PTPRN2: variants seen among roughly 807,000 people sequenced by gnomAD.
The protein encoded by PTPRN2 is receptor-type tyrosine-protein phosphatase N2.
In PTPRN2, 74 loss-of-function variants were observed where a neutral mutation model predicts 118.8. The ratio of observed to expected loss-of-function variants is 0.62; its 90% CI spans 0.52 to 0.76. PTPRN2 has a LOEUF of 0.76. Among genes scored for constraint, PTPRN2 ranks in the 30% least tolerant of loss-of-function variants. The pLI is 0.00. For missense variants in PTPRN2, 1,481 were observed against 1,394.4 expected (o/e 1.06, Z -0.99); for synonymous variants, 641 against 608.0 (o/e 1.05, Z -0.80).
intron 12 of PTPRN2, among the ~76,000 whole-genome samples, chr7:157,882,540 C>A (rs1342495659): frequency 1.3e-5 from 2 of 151,270 alleles, no homozygotes; most frequent in Admixed American, 1.3e-4. Flanking sequence ...GAACATGCCA[C>A]CCCAAAAATG....
chr7:158,151,947 G>A lies in PTPRN2; in HGVS notation c.911-13432C>T, dbSNP rs1349943901. Reference sequence around the variant, plus strand: ...CCAGCACTTTGGGAGGCCGAGGCGGGTGGATCACAAGGTCAGGAGATCAAG... The same window carrying A: ...CCAGCACTTTGGGAGGCCGAGGCGGATGGATCACAAGGTCAGGAGATCAAG... On this transcript the variant is annotated intron_variant, in intron 6 of 22. Transcript: ENST00000389418. 2.6e-5 allele frequency among the ~76,000 whole-genome samples: 4 copies of A among 152,230 alleles called. No individual in the cohort carries two copies. The South Asian group carries it at 8.3e-4, about 32-fold the overall frequency.
At chr7:158,039,773 GA>G (rs1389923506) in intron 11 of PTPRN2, among the ~76,000 whole-genome samples, 1 of 152,084 alleles carries the variant, frequency 6.6e-6, no homozygotes, top group Non-Finnish European at 1.5e-5. Flanking sequence ...AAGAGAAAAA[GA>G]ATCAGACTCA....
chr7:158,018,435 G>A (rs1309461535), intron 11 of PTPRN2, among the ~76,000 whole-genome samples: 2 of 152,196 alleles, frequency 1.3e-5, no homozygotes, highest in Non-Finnish European at 2.9e-5. Context: ...GTAGAAAACC[G>A]TGAAGCTGGA....
intron 3 of PTPRN2, among the ~76,000 whole-genome samples, chr7:158,301,858 G>A (rs561372170): frequency 2.6e-5 from 4 of 152,284 alleles, no homozygotes; most frequent in African/African-American, 9.6e-5. Flanking sequence ...GCTGAGGTGG[G>A]AGGATCACTT....
At chr7:158,461,091 T>C (rs1029054470) in intron 2 of PTPRN2, among the ~76,000 whole-genome samples, 1 of 152,348 alleles carries the variant, frequency 6.6e-6, no homozygotes, top group Middle Eastern at 3.4e-3. Flanking sequence ...CCGACAGTCA[T>C]GTGGCTTCAC....
intron 3 of PTPRN2, among the ~76,000 whole-genome samples, chr7:158,267,704 C>T (rs1797976807): frequency 6.6e-6 from 1 of 152,318 alleles, no homozygotes; most frequent in Non-Finnish European, 1.5e-5. Flanking sequence ...TCTCTCATAT[C>T]CTTCCATCAT....
chr7:157,621,536 C>T (rs374791369), intron 14 of PTPRN2, 27 bp from the exon 15 acceptor site: 127 of 1,608,658 alleles, frequency 7.9e-5, no homozygotes, highest in African/African-American at 2.0e-4. Flanking sequence ...GGGTCAGGAG[C>T]GCACCTAGGT....
chr7:158,329,696 C>A (rs77923968), intron 2 of PTPRN2, among the ~76,000 whole-genome samples: 1 of 152,158 alleles, frequency 6.6e-6, no homozygotes, highest in Non-Finnish European at 1.5e-5. Flanking sequence ...TAAGACACTG[C>A]GTATTATTAT....
intron 2 of PTPRN2, among the ~76,000 whole-genome samples, chr7:158,441,619 G>C: frequency 6.6e-6 from 1 of 150,694 alleles, no homozygotes; most frequent in Admixed American, 6.6e-5. Context: ...GGCAGTGGTG[G>C]TGGTGGTGAT....
rs1286331035 is a variant in PTPRN2, at chr7:157,729,158, C to T, written c.1789-46221G>A. On this transcript the variant is annotated intron_variant, in intron 12 of 22. Coordinates refer to ENST00000389418, the MANE Select transcript of PTPRN2 (RefSeq NM_002847.5). This position sits in a 1 kb window ranked among gnomAD's most constrained non-coding sequence, Gnocchi z 4.3. ...ACCCATCTCTGTTTTTTTTTTTGGA[C>T]AGAATTCCTATTAAATACAATATAG... Among the ~76,000 whole-genome samples the T allele has an allele frequency of 6.6e-6, 1 of 151,160 alleles. No homozygotes were observed. The highest frequency in any genetic ancestry group is 1.5e-5 in the Non-Finnish European group (1 of 67,782).
intron 2 of PTPRN2, among the ~76,000 whole-genome samples, chr7:158,382,533 C>A (rs1037704790): frequency 1.3e-5 from 2 of 152,128 alleles, no homozygotes; most frequent in Non-Finnish European, 2.9e-5. Flanking sequence ...AGTCCCCAAC[C>A]CCCGGGCCAT....
rs766522625 is a variant in PTPRN2 at position 157,881,774 on chromosome 7, A to T, written c.1788+16899T>A. ...AAAAAAAATAGATTGGCACTTCAGT[A>T]AAAGGGTTTGCACACACACAACCCT... On this transcript the variant is annotated intron_variant, in intron 12 of 22. Transcript: ENST00000389418. The surrounding 1 kb of genome is among the most constrained non-coding windows in gnomAD (Gnocchi z 4.7). Among the ~76,000 whole-genome samples the T allele has an allele frequency of 6.6e-6, 1 of 152,180 alleles. No individual in the cohort carries two copies. The highest frequency in any genetic ancestry group is 1.5e-5 in the Non-Finnish European group (1 of 68,030).
chr7:157,753,928 C>T (rs574670663), intron 12 of PTPRN2, among the ~76,000 whole-genome samples: 6 of 152,386 alleles, frequency 3.9e-5, no homozygotes, highest in Admixed American at 3.9e-4. Context: ...CCCACACCTG[C>T]CACCAGGCCC....
chr7:157,732,173 C>G (rs1799983619), intron 12 of PTPRN2, among the ~76,000 whole-genome samples: 1 of 101,362 alleles, frequency 9.9e-6, no homozygotes, highest in Non-Finnish European at 2.1e-5. Context: ...TCCCATGCGC[C>G]CAGCACAGTT....
rs778635925 is a variant in PTPRN2 at position 158,167,297 on chromosome 7, G to A, written c.550-6C>T. The stretch of plus-strand genomic sequence containing the variant: ...TCGGAGAAGCGGTCATCACCCTGAA[G>A]GAAAGGAGAGCAAAACAGAGCAAGA... On this transcript the variant is annotated splice_polypyrimidine_tract_variant and splice_region_variant and intron_variant, in intron 5 of 22. Coordinates refer to ENST00000389418, the MANE Select transcript of PTPRN2 (RefSeq NM_002847.5). The A allele has an allele frequency of 6.3e-7, 1 of 1,583,124 alleles. No individual in the cohort carries two copies.
At chr7:158,343,635 T>C (rs1211563628) in intron 2 of PTPRN2, among the ~76,000 whole-genome samples, 1 of 150,174 alleles carries the variant, frequency 6.7e-6, no homozygotes, top group Non-Finnish European at 1.5e-5. Context: ...CTGCTCCCGG[T>C]GGAATCAGCC....
At chr7:157,963,796 T>A (rs550146393) in intron 11 of PTPRN2, among the ~76,000 whole-genome samples, 1 of 152,374 alleles carries the variant, frequency 6.6e-6, no homozygotes. Flanking sequence ...CAGGGCTAAC[T>A]CGTTCATCTT....
At chr7:158,373,004 C>T (rs1163614332) in intron 2 of PTPRN2, among the ~76,000 whole-genome samples, 4 of 152,126 alleles carry the variant, frequency 2.6e-5, no homozygotes, top group African/African-American at 7.2e-5. Flanking sequence ...TGAGCAGGGC[C>T]ACTACAGGGA....
rs1295024678 is a variant in PTPRN2 at position 158,565,328 on chromosome 7, A to G, written c.112+22230T>C. On this transcript the variant is annotated intron_variant, in intron 1 of 22. Transcript: ENST00000389418. This position sits in a 1 kb window ranked among gnomAD's most constrained non-coding sequence, Gnocchi z 4.6. ...CACACCAAAGGGAACTTTGCAAATT[A>G]CCGGGAACTTTGCAAATTCCCAGGA... Among the ~76,000 whole-genome samples the G allele has an allele frequency of 6.6e-6, 1 of 152,054 alleles. No homozygotes were observed. The highest frequency in any genetic ancestry group is 1.5e-5 in the Non-Finnish European group (1 of 68,002).
Sources: gnomAD v4.1 joint callset for allele counts (sites outside exome capture counted in the v4.1 genomes callset) on GRCh38, gnomAD v4.1.1 for gene constraint, Gnocchi (gnomAD v3.1) non-coding constraint, MANE v1.5 for transcripts, NCBI Gene and HGNC (gene_info 2026-07-23, HGNC 2026-07-21) for gene names.